Variants in CLCN2 observed in about 807,000 individuals in gnomAD.
The protein encoded by CLCN2 is chloride channel protein 2.
CLCN2 carries 72 observed loss-of-function variants against 108.3 expected under a neutral mutation model. That is an observed-to-expected ratio of 0.66 (90% CI 0.55 to 0.81). CLCN2 has a LOEUF of 0.81. CLCN2 is among the 30% of genes least tolerant of loss of function. The pLI is 0.00. For synonymous variants in CLCN2, 471 were observed against 467.1 expected, an observed-to-expected ratio of 1.01 and a Z score of -0.11; for missense variants, 1,048 against 1,205.2, an observed-to-expected ratio of 0.87 and a Z score of 1.93.
Position 184,355,594 on chromosome 3 carries a change from C to T in CLCN2, c.1171-65G>A. 6.2e-7 allele frequency: 1 copy of T among 1,608,626 alleles called. No individual in the cohort carries two copies. The highest frequency in any genetic ancestry group is 8.5e-7 in the Non-Finnish European group (1 of 1,175,150). Reference sequence around the variant, plus strand: ...GATGAAGGGAAGAGGCCATGGGATCCCACGGGGAACAAGGGGTCCCACAGT... The same window carrying T: ...GATGAAGGGAAGAGGCCATGGGATCTCACGGGGAACAAGGGGTCCCACAGT... On this transcript the variant is annotated intron_variant, in intron 11 of 23. Coordinates refer to ENST00000265593, the MANE Select transcript of CLCN2 (RefSeq NM_004366.6). This position sits in a 1 kb window ranked among gnomAD's most constrained non-coding sequence, Gnocchi z 6.3.
At chr3:184,358,355 GC>G in intron 3 of CLCN2, 45 bp from the exon 4 acceptor site, 1 of 1,612,146 alleles carries the variant, frequency 6.2e-7, no homozygotes, top group Non-Finnish European at 8.5e-7. Flanking sequence ...CACACCCACT[GC>G]CTGCCTGGCC....
At position 184,359,029 on chromosome 3, in the gene CLCN2, G is replaced by T. The variant is rs199956757; in HGVS notation, c.166C>A (p.Arg56=). ...TATTCCAAGAGCTCTGGGGCAGCCC[G>T]AGAGGAAGGGGGACCTTTCCAGGGT... is the stretch of plus-strand genomic sequence containing the variant. ...PEPWKGPPSS[R]AAPELLEYGR... The change falls in exon 2 of 24, where the codon CGG becomes AGG. Residue 56 remains arginine, a synonymous_variant. Coordinates refer to ENST00000265593, the MANE Select transcript of CLCN2 (RefSeq NM_004366.6). 6.2e-7 allele frequency: 1 copy of T among 1,613,628 alleles called. No homozygotes were observed. Among genetic ancestry groups the T allele is most frequent in the Non-Finnish European group, 8.5e-7 (1 of 1,180,042 alleles).
intron 22 of CLCN2, chr3:184,348,667 C>T (rs193094187): frequency 6.6e-6 from 1 of 152,230 alleles, no homozygotes; most frequent in East Asian, 1.9e-4. Context: ...TGTTACTAAT[C>T]CCTTAGCCTT....
rs778766766 is a variant in CLCN2 at position 184,355,725 on chromosome 3, G to C, written c.1139C>G (p.Pro380Arg). ...AGCCATGAACTGTCCAAAGCCAGGG[G>C]GGAAGGTCAGCGTGGAGATGAGCAG... ...VTLLISTLTFPPGFGQFMAGQ... is the reference protein window; with the variant it reads ...VTLLISTLTFRPGFGQFMAGQ... The change falls in exon 11 of 24, where the codon CCC becomes CGC. Residue 380 changes from proline to arginine, a missense_variant. Pro to Arg is a moderately radical substitution (Grantham distance 103). Transcript: ENST00000265593. This position sits in a 1 kb window ranked among gnomAD's most constrained non-coding sequence, Gnocchi z 6.3. The C allele has an allele frequency of 1.2e-6, 2 of 1,614,210 alleles. No homozygotes were observed. Among genetic ancestry groups the C allele is most frequent in the Admixed American group, 3.3e-5 (2 of 60,032 alleles).
At position 184,361,449 on chromosome 3, in the gene CLCN2, C is replaced by G; in HGVS notation, c.31G>C (p.Glu11Gln). ...TGCTCGTACTGCAGCGCCCGTGGCT[C>G]CATCCCTTCCTCCGCCGCCGCGGCC... MAAAAAEEGMEPRALQYEQTL... is the reference protein window; with the variant it reads MAAAAAEEGMQPRALQYEQTL... The change falls in exon 1 of 24, where the codon GAG (glutamate) becomes CAG (glutamine). Residue 11 changes from glutamate to glutamine, a missense_variant. By Grantham distance (29) the Glu-to-Gln change is conservative. Coordinates refer to ENST00000265593, the MANE Select transcript of CLCN2 (RefSeq NM_004366.6). The surrounding 1 kb of genome is among the most constrained non-coding windows in gnomAD (Gnocchi z 6.6). 6.2e-7 allele frequency: 1 copy of G among 1,613,250 alleles called. No homozygotes were observed. The highest frequency in any genetic ancestry group is 1.1e-5 in the South Asian group (1 of 91,090).
rs539292291 is a variant in CLCN2 at position 184,354,703 on chromosome 3, G to A, written c.1397-45C>T. 1.7e-5 allele frequency: 25 copies of A among 1,441,726 alleles called. No individual in the cohort carries two copies. The African/African-American group carries it at 2.0e-4, about 11-fold the overall frequency. 89.3% of individuals were successfully genotyped at this position (1,441,726 alleles called of 1,614,324 possible). On this transcript the variant is annotated intron_variant, in intron 13 of 23. Transcript: ENST00000265593. Reference sequence around the variant, plus strand: ...AAGAGAAAGAGGCAGTGGAGGGGGAGGGCAGGGGGCACTAGGAAGAGAGAG... The same window carrying A: ...AAGAGAAAGAGGCAGTGGAGGGGGAAGGCAGGGGGCACTAGGAAGAGAGAG...
chr3:184,352,705 G>C, intron 19 of CLCN2, 32 bp downstream of exon 19: 1 of 1,609,996 alleles, frequency 6.2e-7, no homozygotes, highest in African/African-American at 1.3e-5. Context: ...TGGGGAAAAA[G>C]CAAGCTAGGA....
intron 10 of CLCN2, chr3:184,356,221 C>T (rs559262174): frequency 2.0e-5 from 5 of 253,210 alleles, no homozygotes; most frequent in Non-Finnish European, 3.1e-5. Context: ...ACCAGAGGTG[C>T]GTAGGGAGCA....
chr3:184,352,161 G>C, intron 21 of CLCN2, 44 bp from the exon 22 acceptor site: 1 of 1,591,240 alleles, frequency 6.3e-7, no homozygotes, highest in South Asian at 1.1e-5. Flanking sequence ...GGTGCCTGTA[G>C]CTGACCTCAC....
rs1221670794 is a variant in CLCN2 at position 184,358,065 on chromosome 3, A to T, written c.512T>A (p.Leu171Ter). 6.2e-7 allele frequency: 1 copy of T among 1,614,118 alleles called. No homozygotes were observed. Reference protein sequence around the residue: ...GSGIPEMKTILRGVVLKEYLT... With the variant: ...GSGIPEMKTI ...GTATTCTTTCAGCACCACTCCCCGC[A>T]AGATGGTCTTCATCTCAGGGATGCC... Residue 171 changes from leucine (L) to a stop codon, truncating the protein, a stop_gained, in exon 5 of 24, where the codon TTG becomes TAG. Coordinates refer to ENST00000265593, the MANE Select transcript of CLCN2 (RefSeq NM_004366.6). LOFTEE classifies it high-confidence loss of function.
chr3:184,351,012 C>T (rs542926445), intron 22 of CLCN2, among the ~76,000 whole-genome samples: 2 of 152,280 alleles, frequency 1.3e-5, no homozygotes, highest in South Asian at 2.1e-4. Flanking sequence ...AGGCCTATTA[C>T]CTTTTTTCTT....
intron 22 of CLCN2, chr3:184,348,302 A>G (rs1420134964): frequency 6.6e-6 from 1 of 152,094 alleles, no homozygotes; most frequent in Non-Finnish European, 1.5e-5. Context: ...GGAGTTTGAG[A>G]CTAGCCTGCA....
Position 184,346,778 on chromosome 3 carries a change from G to A in CLCN2, c.2525C>T (p.Ser842Phe). 1 of 1,614,138 alleles carries A rather than the reference G, an allele frequency of 6.2e-7. No homozygotes were observed. The highest frequency in any genetic ancestry group is 8.5e-7 in the Non-Finnish European group (1 of 1,180,034). Residue 842 changes from serine to phenylalanine, a missense_variant, in exon 24 of 24, where the codon TCT becomes TTT. Ser to Phe is a radical substitution (Grantham distance 155, BLOSUM62 -2). Transcript: ENST00000265593. This position sits in a 1 kb window ranked among gnomAD's most constrained non-coding sequence, Gnocchi z 6.0. Reference sequence around the variant, plus strand: ...GACTTTCACACCCTGTGCTGTGACAGAGCCCTCGATGGCCTTCCGGAGCTG... The same window carrying A: ...GACTTTCACACCCTGTGCTGTGACAAAGCCCTCGATGGCCTTCCGGAGCTG... ...LKELRKAIEGSVTAQGVKVRP... is the reference protein window; with the variant it reads ...LKELRKAIEGFVTAQGVKVRP...
intron 1 of CLCN2, among the ~76,000 whole-genome samples, chr3:184,359,986 T>TG (rs1177625073): frequency 1.3e-3 from 7 of 5,564 alleles, no homozygotes; most frequent in Non-Finnish European, 2.5e-3. Flanking sequence ...GGGGCTGGGA[T>TG]GGGGGGGAGG....
chr3:184,353,361 C>T lies in CLCN2; in HGVS notation c.1917G>A (p.Gln639=), dbSNP rs1278731086. The change falls in exon 17 of 24, where the codon CAG becomes CAA. Residue 639 remains glutamine, a synonymous_variant. Coordinates refer to ENST00000265593, the MANE Select transcript of CLCN2 (RefSeq NM_004366.6). The part of the protein sequence containing the change: ...RSQVVALLGA[Q]LSPARRRQHM... ...GCTGCCGCCGGCGGGCTGGGCTCAGCTGGGCCCCCAACAATGCCACCACCT... is the reference window on the plus strand; with the variant it reads ...GCTGCCGCCGGCGGGCTGGGCTCAGTTGGGCCCCCAACAATGCCACCACCT... 1.9e-6 allele frequency: 3 copies of T among 1,613,146 alleles called. No homozygotes were observed. The highest frequency in any genetic ancestry group is 2.2e-5 in the South Asian group (2 of 91,080).
rs772374237 is a variant in CLCN2, at chr3:184,352,473, G to T, written c.2241C>A (p.Arg747=). 2 of 1,613,362 alleles carry T rather than the reference G, an allele frequency of 1.2e-6. No homozygotes were observed. The highest frequency in any genetic ancestry group is 8.5e-7 in the Non-Finnish European group (1 of 1,179,942). The change falls in exon 20 of 24, where the codon CGC becomes CGA. Residue 747 remains arginine (R), a synonymous_variant. Transcript: ENST00000265593. ...ASEKLESCEK[R]KLKRVRISLA... is the part of the protein sequence containing the mutation. ...GGGAGATTCGGACACGCTTCAGCTTGCGCTTCTCACAGGATTCCAACTTCT... is the reference window on the plus strand; with the variant it reads ...GGGAGATTCGGACACGCTTCAGCTTTCGCTTCTCACAGGATTCCAACTTCT...
chr3:184,352,878 G>A, intron 18 of CLCN2, 68 bp from the exon 19 acceptor site: 1 of 1,583,258 alleles, frequency 6.3e-7, no homozygotes, highest in Non-Finnish European at 8.7e-7. Context: ...GGAAAGGTAA[G>A]GAAGACACAG....
rs764900761 is a variant in CLCN2 at position 184,353,382 on chromosome 3, C to T, written c.1896G>A (p.Val632=). The T allele has an allele frequency of 6.2e-7, 1 of 1,612,710 alleles. No individual in the cohort carries two copies. Among genetic ancestry groups the T allele is most frequent in the African/African-American group, 1.3e-5 (1 of 74,922 alleles). ...TCAGCTGGGCCCCCAACAATGCCAC[C>T]ACCTGTGAACGCTCGATGGAGCCCA... The part of the protein sequence containing the change: ...ILLGSIERSQ[V]VALLGAQLSP... The change falls in exon 17 of 24, where the codon GTG becomes GTA. Residue 632 remains valine (V), a synonymous_variant. Coordinates refer to ENST00000265593, the MANE Select transcript of CLCN2 (RefSeq NM_004366.6).
chr3:184,351,056 ACTT>A (rs1321175088), intron 22 of CLCN2, among the ~76,000 whole-genome samples: 1 of 152,040 alleles, frequency 6.6e-6, no homozygotes, highest in Non-Finnish European at 1.5e-5. Flanking sequence ...TCATCCAAGG[ACTT>A]CTAAGTTCCT....
Sources: gnomAD v4.1 joint callset for allele counts (sites outside exome capture counted in the v4.1 genomes callset) on GRCh38, gnomAD v4.1.1 for gene constraint, Gnocchi (gnomAD v3.1) non-coding constraint, MANE v1.5 for transcripts, NCBI Gene and HGNC (gene_info 2026-07-23, HGNC 2026-07-21) for gene names.